ERBB4: variants seen among roughly 807,000 people sequenced by gnomAD.
The protein encoded by ERBB4 is receptor tyrosine-protein kinase erbB-4.
Under a neutral mutation model 158.0 loss-of-function variants are expected in ERBB4, and 42 were observed. That is an observed-to-expected ratio of 0.27 (90% CI 0.21 to 0.34). The LOEUF (loss-of-function observed/expected upper bound fraction) is 0.34. Ranked by LOEUF, ERBB4 falls within the 10% of genes least tolerant of loss-of-function variation. The pLI is 1.00. For missense variants in ERBB4, 1,333 were observed against 1,624.1 expected (o/e 0.82, Z 3.08); for synonymous variants, 583 against 558.7 (o/e 1.04, Z -0.61).
At chr2:211,805,853 T>C (rs2076601053) in intron 3 of ERBB4, among the ~76,000 whole-genome samples, 2 of 152,024 alleles carry the variant, frequency 1.3e-5, no homozygotes, top group Non-Finnish European at 2.9e-5. Context: ...ACAAGTATTC[T>C]TGAAAATTGC....
intron 22 of ERBB4, 71 bp downstream of exon 22, chr2:211,428,337 G>C (rs2063676874): frequency 1.2e-6 from 1 of 862,272 alleles, no homozygotes; most frequent in East Asian, 2.5e-5. Flanking sequence ...TTTAGCTTAA[G>C]ATATTTCACA....
At chr2:211,593,472 A>G (rs2068537300) in intron 19 of ERBB4, among the ~76,000 whole-genome samples, 2 of 152,168 alleles carry the variant, frequency 1.3e-5, no homozygotes, top group South Asian at 4.1e-4. Context: ...ATCCACATCA[A>G]AACAATGAGC....
At chr2:212,300,905 T>C (rs1012276981) in intron 1 of ERBB4, among the ~76,000 whole-genome samples, 15 of 151,626 alleles carry the variant, frequency 9.9e-5, no homozygotes, top group African/African-American at 3.4e-4. Context: ...TACATGTGCT[T>C]CACTCAGGTC....
intron 1 of ERBB4, among the ~76,000 whole-genome samples, chr2:212,369,717 C>G (rs2090018445): frequency 6.6e-6 from 1 of 151,800 alleles, no homozygotes; most frequent in African/African-American, 2.4e-5. Context: ...TTTGTGGGAA[C>G]AGGGTCTCAC....
chr2:212,029,165 T>C (rs1355008866), intron 2 of ERBB4, among the ~76,000 whole-genome samples: 3 of 152,084 alleles, frequency 2.0e-5, no homozygotes, highest in African/African-American at 4.8e-5. Context: ...TGGGTATAAA[T>C]ATGACAGCAA....
At chr2:211,452,296 G>C (rs1021802277) in intron 20 of ERBB4, among the ~76,000 whole-genome samples, 2 of 152,082 alleles carry the variant, frequency 1.3e-5, no homozygotes, top group Non-Finnish European at 2.9e-5. Context: ...TCCTGCCTCA[G>C]CCTCCTGAGT....
intron 1 of ERBB4, among the ~76,000 whole-genome samples, chr2:212,407,966 G>C (rs2091394657): frequency 6.6e-6 from 1 of 151,978 alleles, no homozygotes; most frequent in Non-Finnish European, 1.5e-5. Flanking sequence ...GTTCTGCAAA[G>C]TACTTTCGCA....
In ERBB4 at chr2:211,666,633, G is replaced by A. The variant is rs531826628; in HGVS notation, c.1717-1156C>T. The stretch of plus-strand genomic sequence containing the variant: ...GCTATCTTTCTTAAAAGACTTCCCC[G>A]ATGCTTTCATACATTCAGCTGTTCT... On this transcript the variant is annotated intron_variant, in intron 14 of 27. Transcript: ENST00000342788. 1.1e-3 allele frequency among the ~76,000 whole-genome samples: 160 copies of A among 152,192 alleles called. 3 individuals carry two copies. The highest frequency in any genetic ancestry group is 5.2e-3 in the South Asian group (25 of 4,820).
intron 1 of ERBB4, among the ~76,000 whole-genome samples, chr2:212,208,651 G>A (rs1434997130): frequency 6.6e-6 from 1 of 152,082 alleles, no homozygotes; most frequent in Non-Finnish European, 1.5e-5. Context: ...AGAGGCAGTG[G>A]GAATTCAAAA....
chr2:211,698,899 T>G (rs2073126529), intron 12 of ERBB4, among the ~76,000 whole-genome samples: 1 of 152,210 alleles, frequency 6.6e-6, no homozygotes, highest in Non-Finnish European at 1.5e-5. Flanking sequence ...CCCAAAATAT[T>G]CTAGCTTTTC....
intron 1 of ERBB4, among the ~76,000 whole-genome samples, chr2:212,289,968 C>T (rs970901271): frequency 6.6e-6 from 1 of 152,038 alleles, no homozygotes; most frequent in Admixed American, 6.6e-5. Flanking sequence ...AACAACTCCT[C>T]TATTCGTAGC....
intron 1 of ERBB4, among the ~76,000 whole-genome samples, chr2:212,378,129 A>G (rs1181469240): frequency 6.6e-6 from 1 of 151,804 alleles, no homozygotes; most frequent in African/African-American, 2.4e-5. Flanking sequence ...AATGGTTACA[A>G]TGACACTAGG....
At chr2:211,475,446 A>G (rs960631733) in intron 20 of ERBB4, among the ~76,000 whole-genome samples, 1 of 152,106 alleles carries the variant, frequency 6.6e-6, no homozygotes, top group African/African-American at 2.4e-5. Context: ...CATACACCAT[A>G]AGAAATACCT....
rs1390161945 is a variant in ERBB4, at chr2:211,414,207, A to T, written c.3135+6234T>A. Among the ~76,000 whole-genome samples the T allele has an allele frequency of 2.0e-5, 3 of 152,182 alleles. No homozygotes were observed. The East Asian group carries it at 5.8e-4, about 29-fold the overall frequency. ...TCTGATGAAATGTTTCTTAGAAGAA[A>T]ATACAGCGTGACCTGGCGTGGTGGC... is the stretch of plus-strand genomic sequence containing the variant. On this transcript the variant is annotated intron_variant, in intron 25 of 27. Transcript: ENST00000342788.
At position 212,408,632 on chromosome 2, in the gene ERBB4, C is replaced by T. The variant is rs113058437; in HGVS notation, c.82+129817G>A. On this transcript the variant is annotated intron_variant, in intron 1 of 27. Coordinates refer to ENST00000342788, the MANE Select transcript of ERBB4 (RefSeq NM_005235.3). Reference sequence around the variant, plus strand: ...AATAGCCACTGCACTCTAGCCTGGACGATACAGTGAGACTTCATCTCTTAC... The same window carrying T: ...AATAGCCACTGCACTCTAGCCTGGATGATACAGTGAGACTTCATCTCTTAC... Among the ~76,000 whole-genome samples the T allele has an allele frequency of 2.0e-3, 309 of 152,120 alleles. 2 individuals carry two copies. The highest frequency in any genetic ancestry group is 6.8e-3 in the Middle Eastern group (2 of 294).
chr2:212,359,273 TATAC>T (rs1344440223), intron 1 of ERBB4, among the ~76,000 whole-genome samples: 1 of 151,580 alleles, frequency 6.6e-6, no homozygotes, highest in Non-Finnish European at 1.5e-5. Context: ...CTTGTATATA[TATAC>T]ATATATATAT....
intron 20 of ERBB4, among the ~76,000 whole-genome samples, chr2:211,438,165 C>T (rs2063897498): frequency 6.6e-6 from 1 of 152,180 alleles, no homozygotes; most frequent in African/African-American, 2.4e-5. Context: ...TTCACCTCTG[C>T]TATAAAAGTG....
rs931360814 is a variant in ERBB4 at position 211,447,269 on chromosome 2, C to A, written c.2488-16169G>T. On this transcript the variant is annotated intron_variant, in intron 20 of 27. Coordinates refer to ENST00000342788, the MANE Select transcript of ERBB4 (RefSeq NM_005235.3). The stretch of plus-strand genomic sequence containing the variant: ...TCTTTTATGACAAGACTTAGCTCAG[C>A]CTGAAATAATCACTGTATTAACATT... Among the ~76,000 whole-genome samples, 25 of 152,010 alleles carry A rather than the reference C, an allele frequency of 1.6e-4. 1 individual carries two copies. The highest frequency in any genetic ancestry group is 4.3e-4 in the African/African-American group (18 of 41,412).
intron 1 of ERBB4, among the ~76,000 whole-genome samples, chr2:212,425,837 G>A (rs2091901403): frequency 6.6e-6 from 1 of 151,704 alleles, no homozygotes; most frequent in African/African-American, 2.4e-5. Flanking sequence ...CCCACATTTG[G>A]GGAGATAGAA....
Sources: allele counts gnomAD v4.1 joint callset (sites outside exome capture counted in the v4.1 genomes callset), GRCh38; gene constraint gnomAD v4.1.1; transcripts MANE v1.5; gene names NCBI Gene and HGNC (gene_info 2026-07-23, HGNC 2026-07-21).